Variants in MAP2K6 observed in about 807,000 individuals in gnomAD.
MAP2K6 encodes the protein mitogen-activated protein kinase kinase 6, also known as dual specificity mitogen-activated protein kinase kinase 6.
MAP2K6 carries 16 observed loss-of-function variants against 53.7 expected under a neutral mutation model. The ratio of observed to expected loss-of-function variants is 0.30; its 90% CI spans 0.20 to 0.45. The LOEUF (loss-of-function observed/expected upper bound fraction) is 0.45. Ranked by LOEUF, MAP2K6 falls within the 20% of genes least tolerant of loss-of-function variation. The pLI is 1.00. For missense variants in MAP2K6, 204 were observed against 411.9 expected (o/e 0.50, Z 4.37); for synonymous variants, 132 against 143.1 (o/e 0.92, Z 0.55).
At chr17:69,506,408 GT>G (rs35559627) in intron 2 of MAP2K6, among the ~76,000 whole-genome samples, 1,524 of 142,214 alleles carry the variant, frequency 0.011, 24 homozygotes, top group African/African-American at 0.035. Context: ...TCTCCTTCTT[GT>G]TTTTTTTTTT....
intron 1 of MAP2K6, among the ~76,000 whole-genome samples, chr17:69,484,800 C>T (rs570395549): frequency 6.6e-6 from 1 of 151,990 alleles, no homozygotes; most frequent in East Asian, 1.9e-4. Flanking sequence ...AAATATTTTG[C>T]AAAGTGAAAG....
intron 1 of MAP2K6, among the ~76,000 whole-genome samples, chr17:69,437,065 G>A (rs1375658269): frequency 2.0e-5 from 3 of 152,040 alleles, no homozygotes; most frequent in South Asian, 4.2e-4. Flanking sequence ...GACCTCAGGC[G>A]ATCCTCCCGC....
intron 2 of MAP2K6, among the ~76,000 whole-genome samples, chr17:69,508,112 C>T (rs556379778): frequency 1.7e-5 from 2 of 116,524 alleles, no homozygotes; most frequent in South Asian, 3.0e-4. Flanking sequence ...AGTGCAATGG[C>T]GTGATCTCGG....
intron 1 of MAP2K6, among the ~76,000 whole-genome samples, chr17:69,427,713 G>A (rs968950648): frequency 2.6e-5 from 4 of 152,172 alleles, no homozygotes; most frequent in African/African-American, 9.7e-5. Context: ...TGTGGTTAAA[G>A]ATAACATATG....
intron 1 of MAP2K6, among the ~76,000 whole-genome samples, chr17:69,476,769 T>C (rs1282839855): frequency 2.0e-5 from 3 of 152,202 alleles, no homozygotes; most frequent in South Asian, 2.1e-4. Context: ...CTGGCTGATA[T>C]CTGTGAAGGT....
rs1910437591 is a variant in MAP2K6, at chr17:69,521,034, G to T, written c.484-15G>T. 1 of 1,583,994 alleles carries T rather than the reference G, an allele frequency of 6.3e-7. No homozygotes were observed. The highest frequency in any genetic ancestry group is 1.4e-5 in the African/African-American group (1 of 73,844). ...GCAATGTGATAAATAAATCTATCTT[G>T]TGTTTCTCTTGCAGATTGTAAAAGC... On this transcript the variant is annotated splice_polypyrimidine_tract_variant and intron_variant, in intron 6 of 11. Transcript: ENST00000590474.
At chr17:69,449,815 A>G (rs12943473) in intron 1 of MAP2K6, among the ~76,000 whole-genome samples, 11,344 of 149,736 alleles carry the variant, frequency 0.076, 1,417 homozygotes, top group African/African-American at 0.26. Flanking sequence ...GGGTTTCACC[A>G]TGTTAGCCAG....
At chr17:69,436,188 T>C (rs817566) in intron 1 of MAP2K6, among the ~76,000 whole-genome samples, 94,218 of 151,988 alleles carry the variant, frequency 0.62, 30,139 homozygotes, top group African/African-American at 0.78. Context: ...ATCCTTTTCC[T>C]GGAGCTTCTG....
At chr17:69,523,754 A>G in intron 8 of MAP2K6, 113 bp downstream of exon 8, 1 of 1,305,140 alleles carries the variant, frequency 7.7e-7, no homozygotes, top group Non-Finnish European at 1.1e-6. Context: ...AAGACTCCAG[A>G]AGTAGTCTGC....
intron 1 of MAP2K6, among the ~76,000 whole-genome samples, chr17:69,442,590 A>T (rs181158215): frequency 4.6e-5 from 7 of 152,342 alleles, no homozygotes; most frequent in Non-Finnish European, 8.8e-5. Flanking sequence ...CATTCACAAT[A>T]TATATCACAC....
intron 1 of MAP2K6, among the ~76,000 whole-genome samples, chr17:69,460,672 C>G (rs1907596245): frequency 6.6e-6 from 1 of 152,178 alleles, no homozygotes; most frequent in South Asian, 2.1e-4. Flanking sequence ...ATGATCATGG[C>G]TCACTGCAGC....
chr17:69,417,740 T>TA (rs1175136182), intron 1 of MAP2K6, among the ~76,000 whole-genome samples: 1 of 152,112 alleles, frequency 6.6e-6, no homozygotes, highest in African/African-American at 2.4e-5. Flanking sequence ...TCATCTACAC[T>TA]ACCCGGGAGA....
chr17:69,519,978 G>A, intron 5 of MAP2K6: 1 of 331,168 alleles, frequency 3.0e-6, no homozygotes, highest in East Asian at 7.4e-5. Context: ...GTAAAGGCCT[G>A]GATATCTGGG....
rs1357421466 is a variant in MAP2K6 at position 69,545,849 on chromosome 17, C to T, written c.*4096C>T. The T allele has an allele frequency of 6.6e-6, 1 of 152,014 alleles. No homozygotes were observed. Among genetic ancestry groups the T allele is most frequent in the African/African-American group, 2.4e-5 (1 of 41,354 alleles). The allele number at this position is 152,014 out of a possible 1,614,324, so 9.4% of individuals were successfully genotyped here. A position where few individuals can be genotyped will look rare whatever the true frequency, so the allele number is the denominator to read the frequency against. ...CAGCCTGACTAACATGATGAAACCCCGTCTCTACTAAAAATACAAAATTAG... is the reference window on the plus strand; with the variant it reads ...CAGCCTGACTAACATGATGAAACCCTGTCTCTACTAAAAATACAAAATTAG... On this transcript the variant is annotated 3_prime_UTR_variant, in exon 12 of 12. Transcript: ENST00000590474.
chr17:69,415,140 T>G, intron 1 of MAP2K6, 140 bp downstream of exon 1: 1 of 768,104 alleles, frequency 1.3e-6, no homozygotes, highest in Non-Finnish European at 2.2e-6. Context: ...CTGTTTAGTA[T>G]GTGTCTTTTT....
intron 1 of MAP2K6, among the ~76,000 whole-genome samples, chr17:69,482,266 T>A (rs1487762408): frequency 1.3e-5 from 2 of 152,162 alleles, no homozygotes; most frequent in Non-Finnish European, 2.9e-5. Context: ...AGTTATTTGC[T>A]ATTAACTATT....
rs533901331 is a variant in MAP2K6, at chr17:69,506,983, T to A, written c.83+1137T>A. On this transcript the variant is annotated intron_variant, in intron 2 of 11. Transcript: ENST00000590474. ...TTTTTTCTTTTTTTTTCGGTCTCTCTGAGCAATTTCTTTTTCTCGTAGACC... is the reference window on the plus strand; with the variant it reads ...TTTTTTCTTTTTTTTTCGGTCTCTCAGAGCAATTTCTTTTTCTCGTAGACC... 9.7e-4 allele frequency among the ~76,000 whole-genome samples: 147 copies of A among 152,138 alleles called. 1 individual carries two copies. Among genetic ancestry groups the A allele is most frequent in the Non-Finnish European group, 1.8e-3 (123 of 67,986 alleles).
intron 1 of MAP2K6, among the ~76,000 whole-genome samples, chr17:69,452,172 T>G (rs1214293031): frequency 6.6e-6 from 1 of 151,114 alleles, no homozygotes; most frequent in African/African-American, 2.4e-5. Flanking sequence ...CAGTTTAGGT[T>G]TTCATAACTG....
At chr17:69,452,123 G>A (rs1217730405) in intron 1 of MAP2K6, among the ~76,000 whole-genome samples, 2 of 151,796 alleles carry the variant, frequency 1.3e-5, no homozygotes, top group African/African-American at 4.8e-5. Flanking sequence ...AACGGAGGGT[G>A]GGAGGTTACC....
Sources: allele counts gnomAD v4.1 joint callset (sites outside exome capture counted in the v4.1 genomes callset), GRCh38; gene constraint gnomAD v4.1.1; transcripts MANE v1.5; gene names NCBI Gene and HGNC (gene_info 2026-07-23, HGNC 2026-07-21).